THUMPD3: variants seen among roughly 807,000 people sequenced by gnomAD.
THUMPD3 encodes the protein THUMP domain 3 tRNA guanosine methyltransferase, also known as tRNA (guanine(6)-N(2))-methyltransferase THUMP3.
A neutral mutation model predicts 54.5 loss-of-function variants in THUMPD3; 44 were observed. The ratio of observed to expected loss-of-function variants is 0.81; its 90% CI spans 0.63 to 1.04. The LOEUF is 1.04. THUMPD3 is among the 50% of genes least tolerant of loss of function. The probability of loss-of-function intolerance (pLI) is 0.00; values close to 1 mark genes in which losing one functional copy is unlikely to be tolerated. For missense variants in THUMPD3, 604 were observed against 601.3 expected (o/e 1.00, Z -0.05); for synonymous variants, 196 against 201.4 (o/e 0.97, Z 0.23).
chr3:9,382,233 ATTC>A (rs1446182715), intron 7 of THUMPD3, among the ~76,000 whole-genome samples: 2 of 152,074 alleles, frequency 1.3e-5, no homozygotes, highest in East Asian at 1.9e-4. Flanking sequence ...TTTTTCTTAA[ATTC>A]TTCATTAAAT....
chr3:9,379,495 C>G (rs991337953), intron 6 of THUMPD3, among the ~76,000 whole-genome samples: 1 of 152,264 alleles, frequency 6.6e-6, no homozygotes, highest in African/African-American at 2.4e-5. Context: ...AGACCTTTCC[C>G]GGCTTTCGTG....
Position 9,367,483 on chromosome 3 carries a change from A to G in THUMPD3, c.330+498A>G, listed in dbSNP as rs77048257. Among the ~76,000 whole-genome samples, 426 of 152,330 alleles carry G rather than the reference A, an allele frequency of 2.8e-3. 2 individuals carry two copies. The highest frequency in any genetic ancestry group is 9.9e-3 in the African/African-American group (410 of 41,594). On this transcript the variant is annotated intron_variant, in intron 3 of 9. Coordinates refer to ENST00000452837, the MANE Select transcript of THUMPD3 (RefSeq NM_001114092.2). ...TATGTATTTAGCATCTGAATCCTAA[A>G]TATTCAGCTGCTGCCTAAGCTGAAG...
intron 3 of THUMPD3, among the ~76,000 whole-genome samples, chr3:9,367,871 C>T (rs760772365): frequency 1.4e-4 from 21 of 152,036 alleles, no homozygotes; most frequent in Non-Finnish European, 2.2e-4. Context: ...CGAGACCATC[C>T]TGGCTAACAC....
At chr3:9,376,542 G>T (rs2125324192) in intron 5 of THUMPD3, among the ~76,000 whole-genome samples, 1 of 152,294 alleles carries the variant, frequency 6.6e-6, no homozygotes, top group South Asian at 2.1e-4. Flanking sequence ...CCTCAAGAGG[G>T]TTGCCAAGGA....
chr3:9,384,286 C>T lies in THUMPD3; in HGVS notation c.1310C>T (p.Thr437Ile). The T allele has an allele frequency of 6.2e-7, 1 of 1,614,206 alleles. No individual in the cohort carries two copies. Among genetic ancestry groups the T allele is most frequent in the Non-Finnish European group, 8.5e-7 (1 of 1,180,046 alleles). ...GAGATGAGCCGTGTCTGCACACCTA[C>T]CACAGGCCGAGCTGTACTACTTACT... ...LREMSRVCTP[T>I]TGRAVLLTQD... The change falls in exon 9 of 10, where the codon ACC (threonine) becomes ATC (isoleucine). Residue 437 changes from threonine to isoleucine, a missense_variant. By Grantham distance (89) the Thr-to-Ile change is moderately conservative. Transcript: ENST00000452837.
intron 3 of THUMPD3, among the ~76,000 whole-genome samples, chr3:9,370,520 T>C (rs937257089): frequency 1.3e-5 from 2 of 152,218 alleles, no homozygotes; most frequent in South Asian, 4.1e-4. Flanking sequence ...TCATAGCTCA[T>C]TGGAGCCTTG....
chr3:9,370,143 T>C (rs920855391), intron 3 of THUMPD3, among the ~76,000 whole-genome samples: 6 of 152,232 alleles, frequency 3.9e-5, no homozygotes, highest in Non-Finnish European at 7.3e-5. Flanking sequence ...AGCTTTAACT[T>C]CTATCCTTTG....
At position 9,385,917 on chromosome 3, in the gene THUMPD3, T is replaced by C; in HGVS notation, c.*1229T>C. 6.6e-6 allele frequency: 1 copy of C among 152,228 alleles called. No individual in the cohort carries two copies. Among genetic ancestry groups the C allele is most frequent in the Middle Eastern group, 3.2e-3 (1 of 316 alleles). The allele number at this position is 152,228 out of a possible 1,614,324, so 9.4% of individuals were successfully genotyped here. ...TTCTTGAGAGTTTTGTGGAAAATGG[T>C]GCTTCCCTGGAACAAAGAGTAGTTG... On this transcript the variant is annotated 3_prime_UTR_variant, in exon 10 of 10. Transcript: ENST00000452837.
chr3:9,371,592 T>C, intron 4 of THUMPD3, 56 bp downstream of exon 4: 2 of 1,416,706 alleles, frequency 1.4e-6, no homozygotes, highest in East Asian at 4.6e-5. Flanking sequence ...ATTTGTAGAA[T>C]TTCCAGACTA....
chr3:9,383,603 TTC>T (rs1168786664), intron 8 of THUMPD3, among the ~76,000 whole-genome samples: 1 of 152,138 alleles, frequency 6.6e-6, no homozygotes, highest in Non-Finnish European at 1.5e-5. Flanking sequence ...TTGGTTCTCA[TTC>T]TGTTTCTCAG....
chr3:9,369,636 G>A (rs1043858206), intron 3 of THUMPD3, among the ~76,000 whole-genome samples: 2 of 152,146 alleles, frequency 1.3e-5, no homozygotes, highest in Non-Finnish European at 1.5e-5. Context: ...AATTGGCTGC[G>A]TATACTCCAT....
intron 5 of THUMPD3, among the ~76,000 whole-genome samples, chr3:9,375,837 C>T (rs1004994321): frequency 2.0e-5 from 3 of 152,088 alleles, no homozygotes; most frequent in Admixed American, 6.6e-5. Context: ...TCAGTTGTAA[C>T]GCAGTGGTAT....
intron 5 of THUMPD3, among the ~76,000 whole-genome samples, chr3:9,375,001 C>T (rs774853174): frequency 7.9e-5 from 12 of 152,114 alleles, no homozygotes; most frequent in Non-Finnish European, 1.6e-4. Context: ...ATTACAGGTG[C>T]CTGCCACCAC....
intron 8 of THUMPD3, 107 bp downstream of exon 8, chr3:9,383,416 G>A (rs1324871093): frequency 4.0e-6 from 3 of 743,764 alleles, no homozygotes; most frequent in Non-Finnish European, 4.6e-6. Context: ...TAGCAGAGCT[G>A]TTTTTCACTT....
rs969836256 is a variant in THUMPD3, at chr3:9,369,330, A to G, written c.331-1730A>G. 2.1e-3 allele frequency among the ~76,000 whole-genome samples: 321 copies of G among 151,138 alleles called. 2 individuals are homozygous for G. Among genetic ancestry groups the G allele is most frequent in the African/African-American group, 7.4e-3 (303 of 41,028 alleles). On this transcript the variant is annotated intron_variant, in intron 3 of 9. Transcript: ENST00000452837. Reference sequence around the variant, plus strand: ...GTCTCAAAAAAAAAAAAAAAAAAAAAAAAGAAAGAAATACTCTGAGGGTGG... The same window carrying G: ...GTCTCAAAAAAAAAAAAAAAAAAAAGAAAGAAAGAAATACTCTGAGGGTGG...
rs760807123 is a variant in THUMPD3, at chr3:9,384,268, G to A, written c.1292G>A (p.Ser431Asn). 6.2e-7 allele frequency: 1 copy of A among 1,614,172 alleles called. No individual in the cohort carries two copies. Among genetic ancestry groups the A allele is most frequent in the Non-Finnish European group, 8.5e-7 (1 of 1,180,018 alleles). ...NLYPACLREM[S>N]RVCTPTTGRA... ...TATCCAGCTTGCCTACGGGAGATGA[G>A]CCGTGTCTGCACACCTACCACAGGC... is the stretch of plus-strand genomic sequence containing the variant. Residue 431 changes from serine to asparagine, a missense_variant, in exon 9 of 10, where the codon AGC (serine) becomes AAC (asparagine). By Grantham distance (46) the Ser-to-Asn change is conservative. Coordinates refer to ENST00000452837, the MANE Select transcript of THUMPD3 (RefSeq NM_001114092.2).
At chr3:9,379,607 T>C (rs1232368445) in intron 6 of THUMPD3, among the ~76,000 whole-genome samples, 1 of 152,254 alleles carries the variant, frequency 6.6e-6, no homozygotes, top group African/African-American at 2.4e-5. Flanking sequence ...TATGTTCTGC[T>C]GACAGGTTTT....
chr3:9,383,789 T>C (rs1413985545), intron 8 of THUMPD3, among the ~76,000 whole-genome samples: 1 of 152,020 alleles, frequency 6.6e-6, no homozygotes, highest in Non-Finnish European at 1.5e-5. Flanking sequence ...ATGCCCAGCT[T>C]ATTTTTGTAT....
Position 9,380,910 on chromosome 3 carries a change from T to G in THUMPD3, c.1124+292T>G, listed in dbSNP as rs192251701. ...AGACTCATTTTAATTTCACAAAATT[T>G]TAAACAGTATATTTTTACATAGGCT... On this transcript the variant is annotated intron_variant, in intron 7 of 9. Coordinates refer to ENST00000452837, the MANE Select transcript of THUMPD3 (RefSeq NM_001114092.2). The G allele has an allele frequency of 1.3e-3, 290 of 220,660 alleles. 1 individual carries two copies. The highest frequency in any genetic ancestry group is 9.5e-3 in the Admixed American group (169 of 17,724). The allele number at this position is 220,660 out of a possible 1,614,324, so 13.7% of individuals were successfully genotyped here. A position where few individuals can be genotyped will look rare whatever the true frequency, so the allele number is the denominator to read the frequency against.
Sources: allele counts gnomAD v4.1 joint callset (sites outside exome capture counted in the v4.1 genomes callset), GRCh38; gene constraint gnomAD v4.1.1; transcripts MANE v1.5; gene names NCBI Gene and HGNC (gene_info 2026-07-23, HGNC 2026-07-21).